Variants in OSBPL3 observed in about 807,000 individuals in gnomAD.
OSBPL3 encodes the protein oxysterol-binding protein-related protein 3.
Under a neutral mutation model 120.1 loss-of-function variants are expected in OSBPL3, and 65 were observed. The observed-to-expected ratio is 0.54, with a 90% confidence interval of 0.44 to 0.67. The LOEUF is 0.67. OSBPL3 is among the 30% of genes least tolerant of loss of function. OSBPL3 has a pLI of 0.00. For synonymous variants in OSBPL3, 416 were observed against 402.6 expected, an observed-to-expected ratio of 1.03 and a Z score of -0.40; for missense variants, 1,004 against 1,082.1, an observed-to-expected ratio of 0.93 and a Z score of 1.01.
intron 22 of OSBPL3, 114 bp from the exon 23 acceptor site, chr7:24,800,393 C>T (rs896807221): frequency 5.2e-5 from 31 of 600,802 alleles, no homozygotes; most frequent in African/African-American, 4.5e-4. Context: ...ATGCATTCAG[C>T]GTCCCAGAGT....
rs1584148212 is a variant in OSBPL3 at position 24,800,130 on chromosome 7, C to T, written c.*53G>A. On this transcript the variant is annotated 3_prime_UTR_variant, in exon 23 of 23. Coordinates refer to ENST00000313367, the MANE Select transcript of OSBPL3 (RefSeq NM_015550.4). ...ATATAAACACAGGTTTGTGCCACTT[C>T]AGAAGGCAAGCACAGGAGAAATACA... 1.3e-5 allele frequency: 13 copies of T among 1,020,910 alleles called. No homozygotes were observed. The South Asian group carries it at 1.4e-4, about 11-fold the overall frequency. 63.2% of individuals were successfully genotyped at this position (1,020,910 alleles called of 1,614,324 possible).
chr7:24,812,304 C>CAAAAAAA, intron 19 of OSBPL3, among the ~76,000 whole-genome samples: 1 of 97,044 alleles, frequency 1.0e-5, no homozygotes, highest in Admixed American at 1.1e-4. Flanking sequence ...GACTCCATCT[C>CAAAAAAA]AAAAAAAAAA....
At position 24,872,163 on chromosome 7, in the gene OSBPL3, A is replaced by T; in HGVS notation, c.97-94T>A. On this transcript the variant is annotated intron_variant, in intron 2 of 22. Coordinates refer to ENST00000313367, the MANE Select transcript of OSBPL3 (RefSeq NM_015550.4). This position sits in a 1 kb window ranked among gnomAD's most constrained non-coding sequence, Gnocchi z 4.1. Reference sequence around the variant, plus strand: ...CATCCTGTCAGTAAATTTATTCAAGATGGGGAGGCTGGCTGGGTTTGTTGG... The same window carrying T: ...CATCCTGTCAGTAAATTTATTCAAGTTGGGGAGGCTGGCTGGGTTTGTTGG... The T allele has an allele frequency of 1.1e-6, 1 of 895,586 alleles. No homozygotes were observed. Among genetic ancestry groups the T allele is most frequent in the East Asian group, 2.4e-5 (1 of 40,888 alleles). 55.5% of individuals were successfully genotyped at this position (895,586 alleles called of 1,614,324 possible).
In OSBPL3 at chr7:24,854,789, C is replaced by A. The variant is rs1452087479; in HGVS notation, c.1028-2155G>T. On this transcript the variant is annotated intron_variant, in intron 10 of 22. Coordinates refer to ENST00000313367, the MANE Select transcript of OSBPL3 (RefSeq NM_015550.4). This position sits in a 1 kb window ranked among gnomAD's most constrained non-coding sequence, Gnocchi z 4.1. ...TGATGTGCCTGAACCCTGGTTTCCA[C>A]ATTTGTAAATGGGGATAATAATAAC... 6.6e-6 allele frequency among the ~76,000 whole-genome samples: 1 copy of A among 152,184 alleles called. No individual in the cohort carries two copies. The highest frequency in any genetic ancestry group is 1.5e-5 in the Non-Finnish European group (1 of 68,044).
At position 24,824,608 on chromosome 7, in the gene OSBPL3, A is replaced by G. The variant is rs1795482724; in HGVS notation, c.1885-4370T>C. Among the ~76,000 whole-genome samples the G allele has an allele frequency of 6.6e-6, 1 of 152,364 alleles. No homozygotes were observed. Among genetic ancestry groups the G allele is most frequent in the East Asian group, 1.9e-4 (1 of 5,190 alleles). ...GCCATTCTTTCCAGGTCACTCATCA[A>G]GTACTTATTGATTGCCTGTGATGTG... On this transcript the variant is annotated intron_variant, in intron 16 of 22. Coordinates refer to ENST00000313367, the MANE Select transcript of OSBPL3 (RefSeq NM_015550.4). This position sits in a 1 kb window ranked among gnomAD's most constrained non-coding sequence, Gnocchi z 4.9.
intron 1 of OSBPL3, among the ~76,000 whole-genome samples, chr7:24,960,993 G>C (rs1815665666): frequency 6.6e-6 from 1 of 152,078 alleles, no homozygotes; most frequent in African/African-American, 2.4e-5. Context: ...AACCAGCAAG[G>C]GATATGAATA....
intron 15 of OSBPL3, among the ~76,000 whole-genome samples, chr7:24,832,699 T>C (rs1017710861): frequency 5.9e-5 from 9 of 152,020 alleles, no homozygotes; most frequent in Admixed American, 2.6e-4. Context: ...ACCTTCACCA[T>C]GTAAAATAGA....
chr7:24,861,458 C>T (rs901976416), intron 10 of OSBPL3, among the ~76,000 whole-genome samples, 155 bp downstream of exon 10: 1 of 152,190 alleles, frequency 6.6e-6, no homozygotes, highest in Non-Finnish European at 1.5e-5. Context: ...ATACATTCTC[C>T]ACTACTAGGG....
chr7:24,890,593 G>A (rs1230954341), intron 2 of OSBPL3, among the ~76,000 whole-genome samples: 1 of 152,110 alleles, frequency 6.6e-6, no homozygotes, highest in Non-Finnish European at 1.5e-5. Context: ...AATGACCTCT[G>A]GAAATCAAAC....
At chr7:24,976,612 C>T (rs977230288) in intron 1 of OSBPL3, among the ~76,000 whole-genome samples, 10 of 152,110 alleles carry the variant, frequency 6.6e-5, no homozygotes, top group Admixed American at 5.9e-4. Flanking sequence ...AAGGAATGTG[C>T]AGAGAACCAT....
At position 24,871,997 on chromosome 7, in the gene OSBPL3, A is replaced by C. The variant is rs557609941; in HGVS notation, c.169T>G (p.Phe57Val). ...GGCCACTTCCTCTTTTTCAGCAAAA[A>C]TCCTTTCTGAACTGGTGGCTCCTGG... ...YTQEPPVQKG[F>V]LLKKRKWPLK... The change falls in exon 3 of 23, where the codon TTT (phenylalanine) becomes GTT (valine). Residue 57 changes from phenylalanine (F) to valine (V), a missense_variant. Physicochemically the swap from Phe to Val is conservative, Grantham distance 50 (BLOSUM62 -1). This residue lies in a region of OSBPL3 where 255 missense variants were observed against 248.7 expected (regional missense o/e 1.03). Transcript: ENST00000313367. The surrounding 1 kb of genome is among the most constrained non-coding windows in gnomAD (Gnocchi z 4.8). 1 of 1,613,858 alleles carries C rather than the reference A, an allele frequency of 6.2e-7. No homozygotes were observed. The highest frequency in any genetic ancestry group is 1.3e-5 in the African/African-American group (1 of 75,016).
intron 5 of OSBPL3, among the ~76,000 whole-genome samples, chr7:24,869,873 T>C (rs939486768): frequency 2.0e-5 from 3 of 152,210 alleles, no homozygotes; most frequent in African/African-American, 7.2e-5. Context: ...TTGATTTTCC[T>C]AATCCTCAGG....
Position 24,922,227 on chromosome 7 carries a change from C to T in OSBPL3, c.-149-29606G>A, listed in dbSNP as rs74668143. Among the ~76,000 whole-genome samples, 55 of 152,288 alleles carry T rather than the reference C, an allele frequency of 3.6e-4. 1 individual carries two copies. In the East Asian group the frequency reaches 0.01, roughly 28 times the overall value. On this transcript the variant is annotated intron_variant, in intron 1 of 22. Coordinates refer to ENST00000313367, the MANE Select transcript of OSBPL3 (RefSeq NM_015550.4). The surrounding 1 kb of genome is among the most constrained non-coding windows in gnomAD (Gnocchi z 4.3). ...ATAGAAGGTTAACAAATACAAACTA[C>T]AAGCACTGTACTATCTGGACTGTGT...
intron 1 of OSBPL3, chr7:24,906,675 T>C (rs900378636): frequency 3.9e-5 from 6 of 152,490 alleles, no homozygotes; most frequent in African/African-American, 1.4e-4. Context: ...TTTAGGTTGT[T>C]TCCACATCTT....
intron 2 of OSBPL3, among the ~76,000 whole-genome samples, chr7:24,887,854 G>A (rs1257328129): frequency 1.3e-5 from 2 of 152,168 alleles, no homozygotes; most frequent in African/African-American, 4.8e-5. Context: ...CTGGCATAGA[G>A]GGCGAGAGGG....
In OSBPL3 at chr7:24,968,258, T is replaced by A. The variant is rs1816607917; in HGVS notation, c.-150+11628A>T. On this transcript the variant is annotated intron_variant, in intron 1 of 22. Coordinates refer to ENST00000313367, the MANE Select transcript of OSBPL3 (RefSeq NM_015550.4). The surrounding 1 kb of genome is among the most constrained non-coding windows in gnomAD (Gnocchi z 4.6). Reference sequence around the variant, plus strand: ...CAAAAACAAAAATGTCCTCATGTGTTATGTTTCCTGATTTCCATGGTGTAA... The same window carrying A: ...CAAAAACAAAAATGTCCTCATGTGTAATGTTTCCTGATTTCCATGGTGTAA... Among the ~76,000 whole-genome samples, 2 of 152,174 alleles carry A rather than the reference T, an allele frequency of 1.3e-5. No individual in the cohort carries two copies. The highest frequency in any genetic ancestry group is 2.9e-5 in the Non-Finnish European group (2 of 68,000).
Position 24,935,842 on chromosome 7 carries a change from C to CA in OSBPL3, c.-149-43222dup, listed in dbSNP as rs199821511. 3.9e-3 allele frequency among the ~76,000 whole-genome samples: 577 copies of CA among 149,408 alleles called. 3 individuals are homozygous for CA. Among genetic ancestry groups the CA allele is most frequent in the Admixed American group, 8.5e-3 (128 of 15,118 alleles). The stretch of plus-strand genomic sequence containing the variant: ...GCTTTAATAAAGCAGAGAAAAAGAC[C>CA]AAAAAAAAGGTATGTTCTGTATATT... On this transcript the variant is annotated intron_variant, in intron 1 of 22. Transcript: ENST00000313367.
intron 2 of OSBPL3, among the ~76,000 whole-genome samples, chr7:24,889,589 C>T (rs1226059139): frequency 6.6e-6 from 1 of 151,776 alleles, no homozygotes; most frequent in African/African-American, 2.4e-5. Context: ...CATTTATTAG[C>T]TCAACAAACC....
At chr7:24,934,931 T>G (rs1812221815) in intron 1 of OSBPL3, among the ~76,000 whole-genome samples, 1 of 152,172 alleles carries the variant, frequency 6.6e-6, no homozygotes, top group Non-Finnish European at 1.5e-5. Flanking sequence ...ACATAATGCA[T>G]TTTCTTAAAA....
Sources: allele counts gnomAD v4.1 joint callset (sites outside exome capture counted in the v4.1 genomes callset), GRCh38; gene constraint gnomAD v4.1.1; regional missense constraint gnomAD v4.1.1; non-coding constraint Gnocchi (gnomAD v3.1); transcripts MANE v1.5; gene names NCBI Gene and HGNC (gene_info 2026-07-23, HGNC 2026-07-21).